The following SLC24A2 variants were observed in gnomAD, a reference collection of about 807,000 sequenced individuals.
SLC24A2 encodes the protein solute carrier family 24 member 2, also known as sodium/potassium/calcium exchanger 2.
In SLC24A2, 36 loss-of-function variants were observed where a neutral mutation model predicts 62.0. That is an observed-to-expected ratio of 0.58 (90% CI 0.44 to 0.77). The LOEUF (loss-of-function observed/expected upper bound fraction) is 0.77, where lower values mean the gene tolerates loss of function less well. SLC24A2 is among the 30% of genes least tolerant of loss of function. The pLI is 0.00. For missense variants in SLC24A2, 846 were observed against 817.9 expected, an observed-to-expected ratio of 1.03 and a Z score of -0.42; for synonymous variants, 358 against 294.0, an observed-to-expected ratio of 1.22 and a Z score of -2.23.
the SLC24A2 span, among the ~76,000 whole-genome samples, chr9:19,915,430 A>G: frequency 4.6e-5 from 7 of 152,026 alleles, no homozygotes; most frequent in African/African-American, 1.7e-4. Context: ...TATATTTTCA[A>G]TTCTCTTGGG....
the SLC24A2 span, among the ~76,000 whole-genome samples, chr9:20,032,397 A>G: frequency 7.4e-6 from 1 of 134,672 alleles, no homozygotes; most frequent in Non-Finnish European, 1.5e-5. Flanking sequence ...ATAATGAATT[A>G]TTAATTATTG....
chr9:19,833,364 G>C, the SLC24A2 span, among the ~76,000 whole-genome samples: 1 of 152,084 alleles, frequency 6.6e-6, no homozygotes, highest in Non-Finnish European at 1.5e-5. Flanking sequence ...TGGAAAATTG[G>C]GTCACTCCCA....
chr9:19,702,355 A>G, intron 2 of SLC24A2, among the ~76,000 whole-genome samples: 1 of 152,180 alleles, frequency 6.6e-6, no homozygotes, highest in Non-Finnish European at 1.5e-5. Context: ...GAACTGATAT[A>G]TGTTGAGCCA....
chr9:20,021,176 T>C, the SLC24A2 span, among the ~76,000 whole-genome samples: 1 of 152,106 alleles, frequency 6.6e-6, no homozygotes. Flanking sequence ...ATAGAATAAT[T>C]TTTATTTTTT....
intron 2 of SLC24A2, among the ~76,000 whole-genome samples, chr9:19,718,750 T>A (rs1294774052): frequency 2.0e-5 from 3 of 152,210 alleles, no homozygotes; most frequent in Non-Finnish European, 4.4e-5. Flanking sequence ...CAAATGCTTA[T>A]GTAAAGTTTC....
At chr9:20,303,440 A>G in the SLC24A2 span, among the ~76,000 whole-genome samples, 1 of 152,166 alleles carries the variant, frequency 6.6e-6, no homozygotes, top group Non-Finnish European at 1.5e-5. Context: ...AACAAATTTA[A>G]CGTATTCATT....
the SLC24A2 span, among the ~76,000 whole-genome samples, chr9:20,001,602 C>T: frequency 6.6e-6 from 1 of 152,180 alleles, no homozygotes; most frequent in Non-Finnish European, 1.5e-5. Context: ...CTGGCAATGG[C>T]TGAGTTTGGT....
At chr9:20,236,440 A>G in the SLC24A2 span, among the ~76,000 whole-genome samples, 3 of 152,246 alleles carry the variant, frequency 2.0e-5, no homozygotes, top group Non-Finnish European at 2.9e-5. Flanking sequence ...GGAGGAGGCC[A>G]TCATGAAAGT....
intron 6 of SLC24A2, among the ~76,000 whole-genome samples, 179 bp downstream of exon 6, chr9:19,576,745 C>G (rs555392917): frequency 6.6e-6 from 1 of 152,254 alleles, no homozygotes; most frequent in South Asian, 2.1e-4. Flanking sequence ...CATACTGTGT[C>G]CATGCATACC....
At chr9:19,593,593 C>T (rs922844799) in intron 5 of SLC24A2, among the ~76,000 whole-genome samples, 1 of 152,070 alleles carries the variant, frequency 6.6e-6, no homozygotes, top group Non-Finnish European at 1.5e-5. Context: ...GAAAGAAATG[C>T]TTTCTTCAAT....
the SLC24A2 span, among the ~76,000 whole-genome samples, chr9:19,853,446 G>A: frequency 1.3e-5 from 2 of 152,080 alleles, no homozygotes; most frequent in Admixed American, 1.3e-4. Flanking sequence ...CTGTGGTTTT[G>A]TCAAAAATGG....
chr9:20,177,407 T>C, the SLC24A2 span, among the ~76,000 whole-genome samples: 1 of 152,144 alleles, frequency 6.6e-6, no homozygotes. Context: ...CAGCAGTTAC[T>C]TTGTCTTCTT....
intron 8 of SLC24A2, among the ~76,000 whole-genome samples, chr9:19,548,172 T>C (rs1227887165): frequency 6.6e-6 from 1 of 150,852 alleles, no homozygotes; most frequent in African/African-American, 2.5e-5. Flanking sequence ...GTTTTTCTTC[T>C]GTCTTTTTCA....
intron 2 of SLC24A2, among the ~76,000 whole-genome samples, chr9:19,782,726 C>T (rs1823052460): frequency 6.6e-6 from 1 of 152,150 alleles, no homozygotes; most frequent in African/African-American, 2.4e-5. Flanking sequence ...TTGAAAACAA[C>T]CCACATTTTC....
intron 2 of SLC24A2, among the ~76,000 whole-genome samples, chr9:19,739,745 A>T (rs1310018973): frequency 6.6e-6 from 1 of 152,222 alleles, no homozygotes; most frequent in Non-Finnish European, 1.5e-5. Context: ...TCTTTATGAC[A>T]TTGGGGTAGA....
Position 19,516,069 on chromosome 9 carries a change from C to A in SLC24A2, c.*84G>T. 6.4e-7 allele frequency: 1 copy of A among 1,555,628 alleles called. No individual in the cohort carries two copies. Among genetic ancestry groups the A allele is most frequent in the Non-Finnish European group, 8.9e-7 (1 of 1,127,936 alleles). On this transcript the variant is annotated 3_prime_UTR_variant, in exon 11 of 11. Transcript: ENST00000341998. ...GGCACCCAGGGCTGTGTGCCAGCTG[C>A]CTCTTCTCAAGAGGTCAAGGAGCCC...
chr9:20,247,641 C>A, the SLC24A2 span, among the ~76,000 whole-genome samples: 2 of 152,150 alleles, frequency 1.3e-5, no homozygotes, highest in South Asian at 2.1e-4. Context: ...AACTGAGAAA[C>A]AAATTTCTAT....
At chr9:19,751,615 A>G (rs1283829238) in intron 2 of SLC24A2, among the ~76,000 whole-genome samples, 2 of 152,052 alleles carry the variant, frequency 1.3e-5, no homozygotes, top group South Asian at 2.1e-4. Context: ...TTTTTTGGGG[A>G]AAAAAGGGAT....
the SLC24A2 span, among the ~76,000 whole-genome samples, chr9:19,889,712 A>G: frequency 2.6e-5 from 4 of 152,184 alleles, no homozygotes; most frequent in Admixed American, 2.6e-4. Flanking sequence ...TGGCCCTGGC[A>G]TCTGTCTTAC....
Sources: allele counts gnomAD v4.1 joint callset (sites outside exome capture counted in the v4.1 genomes callset), GRCh38; gene constraint gnomAD v4.1.1; transcripts MANE v1.5; gene names NCBI Gene and HGNC (gene_info 2026-07-23, HGNC 2026-07-21).